PBX1: variants seen among roughly 807,000 people sequenced by gnomAD.
PBX1 encodes the protein pre-B-cell leukemia transcription factor 1.
In PBX1, 6 loss-of-function variants were observed where a neutral mutation model predicts 53.4. That is an observed-to-expected ratio of 0.11 (90% CI 0.06 to 0.22). The LOEUF (loss-of-function observed/expected upper bound fraction) is 0.22, where lower values mean the gene tolerates loss of function less well. Ranked by LOEUF, PBX1 falls within the 10% of genes least tolerant of loss-of-function variation. The pLI is 1.00. For missense variants in PBX1, 251 were observed against 551.4 expected (o/e 0.46, Z 5.46); for synonymous variants, 204 against 212.3 (o/e 0.96, Z 0.34).
At chr1:164,764,830 T>C (rs1666984853) in intron 2 of PBX1, among the ~76,000 whole-genome samples, 1 of 152,200 alleles carries the variant, frequency 6.6e-6, no homozygotes, top group Non-Finnish European at 1.5e-5. Flanking sequence ...AGTGTGCATA[T>C]ATCTTTACCA....
In PBX1 at chr1:164,849,342, C is replaced by T; in HGVS notation, c.*2666C>T. The T allele has an allele frequency of 6.5e-7, 1 of 1,535,644 alleles. No homozygotes were observed. Among genetic ancestry groups the T allele is most frequent in the Non-Finnish European group, 8.7e-7 (1 of 1,146,780 alleles). On this transcript the variant is annotated 3_prime_UTR_variant, in exon 9 of 9. Transcript: ENST00000420696. ...CACTTAGTCTTCTCTATACCCAGCA[C>T]CTCCCCCGGCACCCCCGGCAAGCCC... is the stretch of plus-strand genomic sequence containing the variant.
chr1:164,747,431 C>G (rs1665956612), intron 2 of PBX1, among the ~76,000 whole-genome samples: 2 of 151,882 alleles, frequency 1.3e-5, no homozygotes, highest in Non-Finnish European at 2.9e-5. Flanking sequence ...TAACTTTGGT[C>G]ATGCTTATAT....
chr1:164,660,998 G>C (rs995412492), intron 2 of PBX1, among the ~76,000 whole-genome samples: 1 of 152,184 alleles, frequency 6.6e-6, no homozygotes, highest in Non-Finnish European at 1.5e-5. Context: ...ATTGCCAGCT[G>C]ATCACAGCTG....
downstream of PBX1, among the ~76,000 whole-genome samples, chr1:164,856,662 C>T (rs536593589): frequency 1.3e-5 from 2 of 152,274 alleles, no homozygotes; most frequent in South Asian, 2.1e-4. Context: ...TATGCTACAC[C>T]TTCAGAACAC....
chr1:164,853,841 G>C (rs186407540), downstream of PBX1, among the ~76,000 whole-genome samples: 4 of 151,954 alleles, frequency 2.6e-5, no homozygotes, highest in East Asian at 7.7e-4. Flanking sequence ...AATCTCATAC[G>C]CTCACCCCTT....
downstream of PBX1, chr1:164,854,395 C>T (rs549331468): frequency 1.3e-5 from 2 of 151,970 alleles, no homozygotes; most frequent in South Asian, 2.1e-4. Context: ...ACCACCATTT[C>T]GTATGCAGAA....
chr1:164,816,392 C>T (rs763385682), intron 6 of PBX1: 7 of 152,218 alleles, frequency 4.6e-5, no homozygotes, highest in Non-Finnish European at 1.0e-4. Context: ...CAAGCTGAAT[C>T]AGGCTGGCCA....
intron 8 of PBX1, among the ~76,000 whole-genome samples, chr1:164,837,479 T>G (rs962916640): frequency 6.6e-6 from 1 of 152,214 alleles, no homozygotes; most frequent in African/African-American, 2.4e-5. Flanking sequence ...GTAGTATGAG[T>G]ACATTCGAAA....
chr1:164,668,499 G>T (rs1660938812), intron 2 of PBX1, among the ~76,000 whole-genome samples: 2 of 151,366 alleles, frequency 1.3e-5, no homozygotes, highest in South Asian at 4.2e-4. Flanking sequence ...CTCCCAGCCA[G>T]GGCCCTGCTG....
intron 2 of PBX1, among the ~76,000 whole-genome samples, chr1:164,707,351 GAGATT>G (rs1327267215): frequency 3.3e-5 from 5 of 151,308 alleles, no homozygotes; most frequent in Non-Finnish European, 7.4e-5. Context: ...AGAGATGGGA[GAGATT>G]AGAACAGTAT....
chr1:164,794,203 A>T (rs1424504949), intron 3 of PBX1, among the ~76,000 whole-genome samples: 1 of 152,196 alleles, frequency 6.6e-6, no homozygotes, highest in African/African-American at 2.4e-5. Context: ...AAAAAAGAAG[A>T]CAGAGAAAAA....
intron 2 of PBX1, among the ~76,000 whole-genome samples, chr1:164,698,794 T>C (rs1662936675): frequency 6.6e-6 from 1 of 152,224 alleles, no homozygotes; most frequent in Non-Finnish European, 1.5e-5. Context: ...ACTTACTAAC[T>C]GAGACACTCT....
chr1:164,872,683 TTGGCCTATAA>T (rs1395127594), intron 2 of PBX1, among the ~76,000 whole-genome samples: 1 of 152,218 alleles, frequency 6.6e-6, no homozygotes, highest in Non-Finnish European at 1.5e-5. Flanking sequence ...CCACACACCA[TTGGCCTATAA>T]TGGGCAAGGA....
chr1:164,827,670 T>C (rs1329438402), intron 8 of PBX1, among the ~76,000 whole-genome samples: 5 of 152,312 alleles, frequency 3.3e-5, no homozygotes, highest in African/African-American at 9.6e-5. Context: ...CCCACGATGA[T>C]TGAAGAAGCA....
At chr1:164,825,295 C>T (rs77249757) in intron 8 of PBX1, among the ~76,000 whole-genome samples, 2 of 152,206 alleles carry the variant, frequency 1.3e-5, no homozygotes, top group Non-Finnish European at 2.9e-5. Flanking sequence ...CCTTCTCCCC[C>T]TCTTCTCTCT....
chr1:164,877,015 C>T (rs1167071010), intron 2 of PBX1, among the ~76,000 whole-genome samples: 1 of 152,178 alleles, frequency 6.6e-6, no homozygotes, highest in African/African-American at 2.4e-5. Context: ...GAGGAAGTAC[C>T]ATGTGCCAAA....
chr1:164,635,609 T>C (rs1272133348), intron 2 of PBX1, among the ~76,000 whole-genome samples: 1 of 152,230 alleles, frequency 6.6e-6, no homozygotes, highest in Non-Finnish European at 1.5e-5. Context: ...GCCACGCTTT[T>C]CACCCTCCAT....
In PBX1 at chr1:164,748,416, C is replaced by A. The variant is rs1026626866; in HGVS notation, c.266-44078C>A. ...CCTCTTTGGAAAGAGGTAGCAAATC[C>A]TCCTAATCAATTCTGATTCCTGCCG... On this transcript the variant is annotated intron_variant, in intron 2 of 8. Transcript: ENST00000420696. Among the ~76,000 whole-genome samples, 3 of 152,242 alleles carry A rather than the reference C, an allele frequency of 2.0e-5. No homozygotes were observed. In the East Asian group the frequency reaches 5.8e-4, roughly 29 times the overall value.
At chr1:164,755,702 G>A (rs925166846) in intron 2 of PBX1, among the ~76,000 whole-genome samples, 1 of 152,110 alleles carries the variant, frequency 6.6e-6, no homozygotes, top group African/African-American at 2.4e-5. Flanking sequence ...GGTCAGCAGA[G>A]TGTGATGTGG....
Sources: gnomAD v4.1 joint callset for allele counts (sites outside exome capture counted in the v4.1 genomes callset) on GRCh38, gnomAD v4.1.1 for gene constraint, MANE v1.5 for transcripts, NCBI Gene and HGNC (gene_info 2026-07-23, HGNC 2026-07-21) for gene names.